TTBK1: variants seen among roughly 807,000 people sequenced by gnomAD.
The protein encoded by TTBK1 is tau-tubulin kinase 1.
In TTBK1, 34 loss-of-function variants were observed where a neutral mutation model predicts 108.5. The observed-to-expected ratio is 0.31, with a 90% CI of 0.24 to 0.42. The LOEUF (loss-of-function observed/expected upper bound fraction) is 0.42, where lower values mean the gene tolerates loss of function less well. TTBK1 is among the 10% of genes least tolerant of loss of function. The probability of loss-of-function intolerance (pLI) is 1.00; values close to 1 mark genes in which losing one functional copy is unlikely to be tolerated. For synonymous variants in TTBK1, 809 were observed against 795.1 expected, an observed-to-expected ratio of 1.02 and a Z score of -0.29; for missense variants, 1,539 against 1,826.0, an observed-to-expected ratio of 0.84 and a Z score of 2.86.
At chr6:43,262,116 G>A (rs897084664) in intron 12 of TTBK1, among the ~76,000 whole-genome samples, 6 of 152,194 alleles carry the variant, frequency 3.9e-5, no homozygotes, top group Non-Finnish European at 8.8e-5. Flanking sequence ...TACATTGGGG[G>A]TGGGCCGTAA....
At position 43,282,783 on chromosome 6, in the gene TTBK1, G is replaced by C. The variant is rs1322138708; in HGVS notation, c.2043G>C (p.Leu681=). 6.2e-7 allele frequency: 1 copy of C among 1,613,914 alleles called. No homozygotes were observed. The highest frequency in any genetic ancestry group is 1.7e-5 in the Admixed American group (1 of 59,968). The change falls in exon 14 of 15, where the codon CTG becomes CTC. Residue 681 remains leucine, a synonymous_variant. Coordinates refer to ENST00000259750, the MANE Select transcript of TTBK1 (RefSeq NM_032538.3). The surrounding 1 kb of genome is among the most constrained non-coding windows in gnomAD (Gnocchi z 5.4). ...ATGGCCTCCCACGAGCTGTGCCTCT[G>C]AGTCTGCCCTACCAGGACTTCAAAA... ...EVNGLPRAVP[L]SLPYQDFKRD...
At chr6:43,274,352 C>G (rs1381152068) in intron 13 of TTBK1, among the ~76,000 whole-genome samples, 1 of 152,202 alleles carries the variant, frequency 6.6e-6, no homozygotes, top group East Asian at 1.9e-4. Flanking sequence ...GCTCTCTCTT[C>G]TGTCCTGCCT....
chr6:43,258,406 G>A (rs976509527), intron 10 of TTBK1, among the ~76,000 whole-genome samples: 5 of 152,116 alleles, frequency 3.3e-5, no homozygotes, highest in African/African-American at 1.2e-4. Context: ...AGAGGTGGTC[G>A]AGGGAGGAGC....
At chr6:43,270,748 A>G (rs1777813057) in intron 13 of TTBK1, 1 of 985,334 alleles carries the variant, frequency 1.0e-6, no homozygotes, top group South Asian at 4.7e-5. Context: ...CCACCTCCCA[A>G]GGCAGGCTGG....
chr6:43,247,251 C>T (rs1054931258), intron 2 of TTBK1, among the ~76,000 whole-genome samples: 2 of 152,318 alleles, frequency 1.3e-5, no homozygotes, highest in African/African-American at 4.8e-5. Context: ...AGCCTCCTCC[C>T]CTCGCCGGGT....
intron 6 of TTBK1, 140 bp downstream of exon 6, chr6:43,254,791 T>A: frequency 1.3e-6 from 1 of 777,714 alleles, no homozygotes; most frequent in Non-Finnish European, 2.1e-6. Flanking sequence ...GCTCTGGGTG[T>A]CCACACTCGG....
intron 13 of TTBK1, chr6:43,270,037 A>C: frequency 7.0e-7 from 1 of 1,421,722 alleles, no homozygotes; most frequent in South Asian, 1.5e-5. Flanking sequence ...GGACGCAATA[A>C]TCACACACTC....
At chr6:43,274,958 G>A (rs2150706997) in intron 13 of TTBK1, among the ~76,000 whole-genome samples, 1 of 152,306 alleles carries the variant, frequency 6.6e-6, no homozygotes, top group South Asian at 2.1e-4. Flanking sequence ...TCCTCCGCTT[G>A]GCTCCGCCGT....
intron 2 of TTBK1, among the ~76,000 whole-genome samples, chr6:43,248,579 C>G (rs534332695): frequency 1.3e-5 from 2 of 152,088 alleles, no homozygotes; most frequent in Admixed American, 1.3e-4. Flanking sequence ...AAAAATTAGC[C>G]GGGTGTGGCA....
At chr6:43,268,248 G>A (rs747326152) in intron 13 of TTBK1, among the ~76,000 whole-genome samples, 10 of 152,196 alleles carry the variant, frequency 6.6e-5, no homozygotes, top group Non-Finnish European at 1.3e-4. Flanking sequence ...GCTGTGAGAG[G>A]GGGCTTTGGG....
chr6:43,272,471 A>AC, intron 13 of TTBK1: 1 of 984,950 alleles, frequency 1.0e-6, no homozygotes. Flanking sequence ...TCAAACACAC[A>AC]CCCCCCACCT....
chr6:43,252,979 G>T (rs1777285280), intron 3 of TTBK1, 93 bp downstream of exon 3: 1 of 1,471,094 alleles, frequency 6.8e-7, no homozygotes, highest in South Asian at 1.2e-5. Flanking sequence ...TGAGGGAGGA[G>T]ATGTCGTGTG....
In TTBK1 at chr6:43,285,357, G is replaced by A; in HGVS notation, c.3947G>A (p.Gly1316Asp). ...AAAGGCCGGGCAGGAGGCGCGGAGG[G>A]CCGGGCTGGGGCCAGATAATGACGC... ...TTKGRAGGAE[G>D]RAGAR The change falls in exon 15 of 15, where the codon GGC (glycine) becomes GAC (aspartate). Residue 1316 changes from glycine (G) to aspartate (D), a missense_variant. This residue lies in a region of TTBK1 where 1,055 missense variants were observed against 1,086.5 expected (regional missense o/e 0.97). Coordinates refer to ENST00000259750, the MANE Select transcript of TTBK1 (RefSeq NM_032538.3). This position sits in a 1 kb window ranked among gnomAD's most constrained non-coding sequence, Gnocchi z 4.7. 7.8e-7 allele frequency: 1 copy of A among 1,282,872 alleles called. No individual in the cohort carries two copies. Among genetic ancestry groups the A allele is most frequent in the Admixed American group, 4.2e-5 (1 of 23,858 alleles). The allele number at this position is 1,282,872 out of a possible 1,614,324, so 79.5% of individuals were successfully genotyped here.
intron 13 of TTBK1, chr6:43,270,988 A>C: frequency 1.0e-6 from 1 of 985,466 alleles, no homozygotes; most frequent in Non-Finnish European, 1.2e-6. Flanking sequence ...TTGGATAGGG[A>C]TCTGGACACT....
At chr6:43,281,146 G>A (rs1778147651) in intron 13 of TTBK1, among the ~76,000 whole-genome samples, 1 of 152,100 alleles carries the variant, frequency 6.6e-6, no homozygotes, top group African/African-American at 2.4e-5. Context: ...GGCCGAAGCG[G>A]GTGGATCACC....
intron 13 of TTBK1, among the ~76,000 whole-genome samples, chr6:43,279,640 A>G (rs1444901681): frequency 6.6e-6 from 1 of 152,206 alleles, no homozygotes; most frequent in Non-Finnish European, 1.5e-5. Flanking sequence ...AAGGCCTGGC[A>G]CACAGTTGGT....
intron 2 of TTBK1, among the ~76,000 whole-genome samples, chr6:43,251,659 TCTC>T (rs761805222): frequency 3.9e-5 from 6 of 152,140 alleles, no homozygotes; most frequent in Non-Finnish European, 7.4e-5. Flanking sequence ...TTATTGCGGT[TCTC>T]CTCCCCGCCT....
chr6:43,282,899 T>A lies in TTBK1; in HGVS notation c.2159T>A (p.Val720Asp). 2 of 1,612,706 alleles carry A rather than the reference T, an allele frequency of 1.2e-6. No homozygotes were observed. Among genetic ancestry groups the A allele is most frequent in the African/African-American group, 2.7e-5 (2 of 74,526 alleles). The change falls in exon 14 of 15, where the codon GTC becomes GAC. Residue 720 changes from valine to aspartate, a missense_variant. By Grantham distance (152) the Val-to-Asp change is radical (BLOSUM62 -3). Transcript: ENST00000259750. This position sits in a 1 kb window ranked among gnomAD's most constrained non-coding sequence, Gnocchi z 5.4. Reference protein sequence around the residue: ...FSHMLLTTPQVPLAPVQPQAN... With the variant: ...FSHMLLTTPQDPLAPVQPQAN... Reference sequence around the variant, plus strand: ...CACATGCTGCTCACCACCCCCCAGGTCCCACTGGCTCCTGTTCAGCCTCAG... The same window carrying A: ...CACATGCTGCTCACCACCCCCCAGGACCCACTGGCTCCTGTTCAGCCTCAG...
intron 13 of TTBK1, among the ~76,000 whole-genome samples, chr6:43,268,051 G>C (rs1471278680): frequency 2.0e-5 from 3 of 152,232 alleles, no homozygotes; most frequent in Non-Finnish European, 4.4e-5. Flanking sequence ...AGCTTGCAGG[G>C]GAGGGAGCTG....
Sources: allele counts gnomAD v4.1 joint callset (sites outside exome capture counted in the v4.1 genomes callset), GRCh38; gene constraint gnomAD v4.1.1; regional missense constraint gnomAD v4.1.1; non-coding constraint Gnocchi (gnomAD v3.1); transcripts MANE v1.5; gene names NCBI Gene and HGNC (gene_info 2026-07-23, HGNC 2026-07-21).